Variants in GRID1 observed in about 807,000 individuals in gnomAD.
The protein encoded by GRID1 is glutamate ionotropic receptor delta type subunit 1, also known as glutamate receptor ionotropic, delta-1.
In GRID1, 28 loss-of-function variants were observed where a neutral mutation model predicts 98.0. The observed-to-expected ratio is 0.29, with a 90% CI of 0.21 to 0.39. The LOEUF (loss-of-function observed/expected upper bound fraction) is 0.39, where lower values mean the gene tolerates loss of function less well. Among genes scored for constraint, GRID1 ranks in the 10% least tolerant of loss-of-function variants. The pLI, the probability that GRID1 is intolerant of heterozygous loss-of-function variation, is 1.00. For missense variants in GRID1, 1,111 were observed against 1,340.5 expected, an observed-to-expected ratio of 0.83 and a Z score of 2.67; for synonymous variants, 553 against 538.5, an observed-to-expected ratio of 1.03 and a Z score of -0.37.
chr10:85,619,395 C>T (rs1029807946), intron 14 of GRID1, among the ~76,000 whole-genome samples: 1 of 152,250 alleles, frequency 6.6e-6, no homozygotes, highest in African/African-American at 2.4e-5. Flanking sequence ...TCCACATTGA[C>T]TACTGCCACA....
intron 5 of GRID1, among the ~76,000 whole-genome samples, chr10:85,873,111 AG>A (rs1430182314): frequency 2.0e-5 from 3 of 152,122 alleles, no homozygotes; most frequent in Non-Finnish European, 4.4e-5. Flanking sequence ...GGGTGAGTAT[AG>A]GGATGCATCC....
intron 15 of GRID1, among the ~76,000 whole-genome samples, chr10:85,603,252 C>T (rs1177585079): frequency 2.6e-5 from 4 of 152,202 alleles, no homozygotes; most frequent in Non-Finnish European, 5.9e-5. Flanking sequence ...CAGAGAGAAG[C>T]CCTGCCTCAC....
chr10:85,754,622 G>C (rs931533815), intron 8 of GRID1, among the ~76,000 whole-genome samples: 5 of 152,110 alleles, frequency 3.3e-5, no homozygotes, highest in Non-Finnish European at 7.4e-5. Flanking sequence ...GAAAAGCAAT[G>C]GTGGTAAAAA....
chr10:85,870,959 C>A (rs4498931), intron 5 of GRID1, among the ~76,000 whole-genome samples: 151,432 of 152,170 alleles, frequency 1, 75,348 homozygotes, highest in East Asian at 1. Flanking sequence ...TGCGGTAGGG[C>A]GAGAGGATTA....
At chr10:85,935,283 TC>T (rs1467286081) in intron 4 of GRID1, among the ~76,000 whole-genome samples, 1 of 152,154 alleles carries the variant, frequency 6.6e-6, no homozygotes, top group Non-Finnish European at 1.5e-5. Flanking sequence ...CTCAATTGCC[TC>T]CCAAGGGAAA....
At chr10:85,726,515 C>CA (rs894167175) in intron 10 of GRID1, among the ~76,000 whole-genome samples, 5 of 151,954 alleles carry the variant, frequency 3.3e-5, no homozygotes, top group Admixed American at 6.6e-5. Flanking sequence ...TAGGATGCAA[C>CA]AAAAAAATTA....
chr10:86,278,085 T>C (rs561269921), intron 2 of GRID1, among the ~76,000 whole-genome samples: 2 of 152,244 alleles, frequency 1.3e-5, no homozygotes, highest in South Asian at 2.1e-4. Flanking sequence ...ACTTTAAATG[T>C]AAATGGGTTA....
intron 4 of GRID1, among the ~76,000 whole-genome samples, chr10:86,031,317 C>G (rs1482263522): frequency 6.6e-6 from 1 of 151,990 alleles, no homozygotes; most frequent in East Asian, 1.9e-4. Context: ...AACAGAAAAC[C>G]AAATATGGCA....
At chr10:85,654,872 G>C (rs925492851) in intron 12 of GRID1, among the ~76,000 whole-genome samples, 3 of 152,176 alleles carry the variant, frequency 2.0e-5, no homozygotes, top group Admixed American at 2.0e-4. Flanking sequence ...CCTAAACATA[G>C]GCATATGTTA....
intron 8 of GRID1, among the ~76,000 whole-genome samples, chr10:85,840,941 T>C (rs1472560282): frequency 1.3e-5 from 2 of 152,172 alleles, no homozygotes; most frequent in African/African-American, 2.4e-5. Flanking sequence ...TCAATGTTAT[T>C]CCTATTAACC....
chr10:85,666,657 G>C (rs1316833678), intron 12 of GRID1, among the ~76,000 whole-genome samples: 1 of 152,200 alleles, frequency 6.6e-6, no homozygotes, highest in Non-Finnish European at 1.5e-5. Context: ...ACTGTACTTT[G>C]TGACTGATTT....
chr10:86,260,736 A>T (rs1240632268), intron 2 of GRID1, among the ~76,000 whole-genome samples: 2 of 152,220 alleles, frequency 1.3e-5, no homozygotes, highest in East Asian at 1.9e-4. Context: ...TGAGATAACC[A>T]TGATAACAGA....
intron 12 of GRID1, among the ~76,000 whole-genome samples, chr10:85,695,756 C>A (rs779074915): frequency 4.6e-5 from 7 of 152,134 alleles, no homozygotes; most frequent in Admixed American, 1.3e-4. Flanking sequence ...ATAAGAAAAA[C>A]CAAAACCAAC....
At chr10:85,841,291 T>G (rs71451246) in intron 8 of GRID1, among the ~76,000 whole-genome samples, 1 of 151,380 alleles carries the variant, frequency 6.6e-6, no homozygotes, top group Non-Finnish European at 1.5e-5. Context: ...CATATGCAGA[T>G]TGAAACTGGA....
At chr10:86,335,524 G>T (rs1848210000) in intron 2 of GRID1, among the ~76,000 whole-genome samples, 1 of 152,218 alleles carries the variant, frequency 6.6e-6, no homozygotes, top group African/African-American at 2.4e-5. Flanking sequence ...GGCCACAGAG[G>T]CTGTTTTCTC....
At position 86,356,600 on chromosome 10, in the gene GRID1, G is replaced by C. The variant is rs566725594; in HGVS notation, c.235+7341C>G. The stretch of plus-strand genomic sequence containing the variant: ...AAGTGAAGTGACCATGAGGGACCAA[G>C]CTCCCCACTGACCGGCAATGGACAC... On this transcript the variant is annotated intron_variant, in intron 2 of 15. Coordinates refer to ENST00000327946, the MANE Select transcript of GRID1 (RefSeq NM_017551.3). 7.9e-5 allele frequency among the ~76,000 whole-genome samples: 12 copies of C among 152,342 alleles called. No homozygotes were observed. In the East Asian group the frequency reaches 2.3e-3, roughly 29 times the overall value.
chr10:85,944,707 A>C (rs1233547718), intron 4 of GRID1, among the ~76,000 whole-genome samples: 1 of 152,206 alleles, frequency 6.6e-6, no homozygotes, highest in Non-Finnish European at 1.5e-5. Context: ...TCTCAATAGG[A>C]AAATGCTTAG....
At chr10:86,045,611 CA>C (rs992656116) in intron 4 of GRID1, among the ~76,000 whole-genome samples, 2 of 151,912 alleles carry the variant, frequency 1.3e-5, no homozygotes, top group Admixed American at 1.3e-4. Context: ...TGAAGATAAG[CA>C]AAAGAGATGG....
At chr10:85,952,969 AT>A (rs537452973) in intron 4 of GRID1, among the ~76,000 whole-genome samples, 30 of 152,262 alleles carry the variant, frequency 2.0e-4, no homozygotes, top group South Asian at 1.0e-3. Flanking sequence ...TAGTAACTAT[AT>A]TTTTTTCTTA....
Sources: allele counts gnomAD v4.1 joint callset (sites outside exome capture counted in the v4.1 genomes callset), GRCh38; gene constraint gnomAD v4.1.1; transcripts MANE v1.5; gene names NCBI Gene and HGNC (gene_info 2026-07-23, HGNC 2026-07-21).